METAP1D: variants seen among roughly 807,000 people sequenced by gnomAD.
METAP1D encodes methionine aminopeptidase 1D, mitochondrial.
In METAP1D, 31 loss-of-function variants were observed where a neutral mutation model predicts 40.5. The ratio of observed to expected loss-of-function variants is 0.77; its 90% confidence interval spans 0.58 to 1.03. The LOEUF (loss-of-function observed/expected upper bound fraction) is 1.03, where lower values mean the gene tolerates loss of function less well. Ranked by LOEUF, METAP1D falls within the 50% of genes least tolerant of loss-of-function variation. The pLI, the probability that METAP1D is intolerant of heterozygous loss-of-function variation, is 0.00. For synonymous variants in METAP1D, 151 were observed against 146.4 expected (o/e 1.03, Z -0.22); for missense variants, 411 against 420.7 (o/e 0.98, Z 0.20).
Position 172,042,468 on chromosome 2 carries a change from T to C in METAP1D, c.41-19030T>C, listed in dbSNP as rs1348519912. Among the ~76,000 whole-genome samples the C allele has an allele frequency of 3.7e-4, 18 of 48,082 alleles. 7 individuals are homozygous for C. Among genetic ancestry groups the C allele is most frequent in the African/African-American group, 1.5e-3 (18 of 12,384 alleles). The allele number at this position is 48,082 out of a possible 152,430, so 31.5% of individuals were successfully genotyped here. On this transcript the variant is annotated intron_variant, in intron 1 of 9. Coordinates refer to ENST00000315796, the MANE Select transcript of METAP1D (RefSeq NM_199227.3). ...GTACATGCGTACATATATACATATA[T>C]ACATATGTGTGTGTACATGTGTACA...
chr2:172,065,727 G>A lies in METAP1D; in HGVS notation c.472G>A (p.Val158Met), dbSNP rs747061170. The A allele has an allele frequency of 2.5e-6, 4 of 1,613,806 alleles. No individual in the cohort carries two copies. Among genetic ancestry groups the A allele is most frequent in the Non-Finnish European group, 3.4e-6 (4 of 1,179,878 alleles). The stretch of plus-strand genomic sequence containing the variant: ...ATCTGTTTGTACCTCTGTAAACAAC[G>A]TGCTCTGTCATGGTATTCCTGACAG... ...PKSVCTSVNN[V>M]LCHGIPDSRP... Residue 158 changes from valine to methionine, a missense_variant, in exon 4 of 10, where the codon GTG becomes ATG. Val to Met is a conservative substitution (Grantham distance 21). Transcript: ENST00000315796.
At chr2:172,024,015 C>T (rs866308226) in intron 1 of METAP1D, among the ~76,000 whole-genome samples, 10 of 151,896 alleles carry the variant, frequency 6.6e-5, no homozygotes, top group Admixed American at 1.3e-4. Context: ...CCACCATGCC[C>T]GGCTAATTTT....
At chr2:172,077,445 A>C (rs1424439602) in intron 6 of METAP1D, among the ~76,000 whole-genome samples, 1 of 152,236 alleles carries the variant, frequency 6.6e-6, no homozygotes, top group Non-Finnish European at 1.5e-5. Flanking sequence ...TATGACCTGC[A>C]TTATATGCAC....
At chr2:172,077,677 G>C in intron 6 of METAP1D, 120 bp from the exon 7 acceptor site, 2 of 549,730 alleles carry the variant, frequency 3.6e-6, no homozygotes, top group Non-Finnish European at 6.5e-6. Flanking sequence ...GTTATTATCT[G>C]ACTCTAAATA....
chr2:172,065,604 G>A lies in METAP1D; in HGVS notation c.349G>A (p.Val117Ile). 6.2e-7 allele frequency: 1 copy of A among 1,610,906 alleles called. No individual in the cohort carries two copies. Among genetic ancestry groups the A allele is most frequent in the Non-Finnish European group, 8.5e-7 (1 of 1,179,040 alleles). ...ACAATTTCTTTATTTAACATTTTAG[G>A]TTGACATGACAACTGAAGAGATAGA... is the stretch of plus-strand genomic sequence containing the variant. ...VLLLAGKSLKVDMTTEEIDAL... is the reference protein window; with the variant it reads ...VLLLAGKSLKIDMTTEEIDAL... Residue 117 changes from valine to isoleucine, a missense_variant and splice_region_variant, in exon 4 of 10, where the codon GTT becomes ATT. Val to Ile is a conservative substitution (Grantham distance 29, BLOSUM62 3). Coordinates refer to ENST00000315796, the MANE Select transcript of METAP1D (RefSeq NM_199227.3).
intron 1 of METAP1D, among the ~76,000 whole-genome samples, chr2:172,009,448 A>G (rs1688661048): frequency 6.7e-6 from 1 of 148,948 alleles, no homozygotes; most frequent in African/African-American, 2.4e-5. Context: ...AAAGTGACCA[A>G]TGAATTTTTG....
chr2:172,044,337 G>A (rs376727125), intron 1 of METAP1D, among the ~76,000 whole-genome samples: 1 of 123,356 alleles, frequency 8.1e-6, no homozygotes, highest in Admixed American at 8.4e-5. Flanking sequence ...GAGGCAGGTG[G>A]ATCACGAGGT....
chr2:172,044,506 A>G (rs1012707189), intron 1 of METAP1D, among the ~76,000 whole-genome samples: 1 of 131,996 alleles, frequency 7.6e-6, no homozygotes, highest in Non-Finnish European at 1.8e-5. Context: ...GAGGCAGGAG[A>G]ATCGCTTGAA....
intron 1 of METAP1D, among the ~76,000 whole-genome samples, chr2:172,051,821 C>G (rs1207642439): frequency 6.6e-6 from 1 of 152,092 alleles, no homozygotes; most frequent in Non-Finnish European, 1.5e-5. Flanking sequence ...TAGTAGTGAC[C>G]CAGTCCTACC....
chr2:172,013,407 G>T (rs371311067), intron 1 of METAP1D, among the ~76,000 whole-genome samples: 1 of 152,190 alleles, frequency 6.6e-6, no homozygotes, highest in East Asian at 1.9e-4. Flanking sequence ...AACTAGGACC[G>T]GGGGCAGGAG....
intron 1 of METAP1D, 147 bp downstream of exon 1, chr2:172,000,156 C>T (rs1287194599): frequency 1.6e-6 from 1 of 637,112 alleles, no homozygotes; most frequent in Non-Finnish European, 2.3e-6. Flanking sequence ...CAGGCACACA[C>T]GATGACACAT....
intron 1 of METAP1D, among the ~76,000 whole-genome samples, chr2:172,056,289 A>AT (rs1009043178): frequency 6.6e-6 from 1 of 152,168 alleles, no homozygotes; most frequent in Non-Finnish European, 1.5e-5. Flanking sequence ...TCACAGGGTA[A>AT]TGTCTTTGAA....
At chr2:172,047,870 A>G (rs904765098) in intron 1 of METAP1D, among the ~76,000 whole-genome samples, 8 of 152,228 alleles carry the variant, frequency 5.3e-5, no homozygotes, top group Non-Finnish European at 1.0e-4. Flanking sequence ...TTTAAGAAGT[A>G]TTCTTATATG....
intron 1 of METAP1D, among the ~76,000 whole-genome samples, chr2:172,059,115 T>C (rs1036369983): frequency 2.6e-5 from 4 of 151,604 alleles, no homozygotes; most frequent in Admixed American, 1.3e-4. Flanking sequence ...TTCTTTCTTT[T>C]TTTTTTTTTC....
At chr2:172,025,117 A>T (rs1358814313) in intron 1 of METAP1D, among the ~76,000 whole-genome samples, 2 of 152,246 alleles carry the variant, frequency 1.3e-5, no homozygotes, top group Non-Finnish European at 2.9e-5. Context: ...GTGTGTAAAC[A>T]TAATTTAGTT....
At chr2:172,009,045 CTTTTTTTTT>C (rs200696505) in intron 1 of METAP1D, among the ~76,000 whole-genome samples, 1 of 144,432 alleles carries the variant, frequency 6.9e-6, no homozygotes, top group Non-Finnish European at 1.5e-5. Flanking sequence ...AATTTTCTTT[CTTTTTTTTT>C]TTTTGAGACA....
intron 1 of METAP1D, among the ~76,000 whole-genome samples, chr2:172,011,269 A>G (rs916454051): frequency 6.9e-6 from 1 of 145,108 alleles, no homozygotes; most frequent in African/African-American, 2.5e-5. Context: ...TTAAGCAACC[A>G]CTAATCTTTC....
Position 172,071,042 on chromosome 2 carries a change from C to G in METAP1D, c.676C>G (p.Pro226Ala). ...AATTGCAGCTTGCAGAGCAGGGGCT[C>G]CCTTCTCTGTAATTGGAAACACAAT... is the stretch of plus-strand genomic sequence containing the variant. ...EAIAACRAGA[P>A]FSVIGNTISH... is the part of the protein sequence containing the mutation. The change falls in exon 6 of 10, where the codon CCC becomes GCC. Residue 226 changes from proline (P) to alanine (A), a missense_variant. By Grantham distance (27) the Pro-to-Ala change is conservative. Coordinates refer to ENST00000315796, the MANE Select transcript of METAP1D (RefSeq NM_199227.3). 1.2e-6 allele frequency: 2 copies of G among 1,611,214 alleles called. No homozygotes were observed. The highest frequency in any genetic ancestry group is 1.7e-6 in the Non-Finnish European group (2 of 1,178,530).
chr2:172,041,136 A>G (rs941370754), intron 1 of METAP1D, among the ~76,000 whole-genome samples: 2 of 152,008 alleles, frequency 1.3e-5, no homozygotes, highest in African/African-American at 4.8e-5. Context: ...CCCCAAAAGC[A>G]TATTATATAA....
Sources: gnomAD v4.1 joint callset for allele counts (sites outside exome capture counted in the v4.1 genomes callset) on GRCh38, gnomAD v4.1.1 for gene constraint, MANE v1.5 for transcripts, NCBI Gene and HGNC (gene_info 2026-07-23, HGNC 2026-07-21) for gene names.